The following CTNNA2 variants were observed in gnomAD, a reference collection of about 807,000 sequenced individuals.
The protein encoded by CTNNA2 is catenin alpha-2.
In CTNNA2, 42 loss-of-function variants were observed where a neutral mutation model predicts 101.0. The observed-to-expected ratio is 0.42, with a 90% CI of 0.32 to 0.54. The LOEUF (loss-of-function observed/expected upper bound fraction) is 0.54. Among genes scored for constraint, CTNNA2 ranks in the 20% least tolerant of loss-of-function variants. The pLI is 0.14. For missense variants in CTNNA2, 871 were observed against 1,223.1 expected (o/e 0.71, Z 4.29); for synonymous variants, 450 against 456.4 (o/e 0.99, Z 0.18).
intron 7 of CTNNA2, among the ~76,000 whole-genome samples, chr2:80,218,145 T>A (rs1167274340): frequency 6.6e-6 from 1 of 152,214 alleles, no homozygotes; most frequent in Non-Finnish European, 1.5e-5. Context: ...CTTCTCAATA[T>A]CTCTGTTTTC....
intron 9 of CTNNA2, among the ~76,000 whole-genome samples, chr2:80,451,488 C>A (rs886521787): frequency 6.6e-6 from 1 of 152,162 alleles, no homozygotes; most frequent in African/African-American, 2.4e-5. Context: ...TCAAGGAGTT[C>A]TTTATAGCAG....
chr2:79,486,778 G>C (rs1573188648), intron 4 of CTNNA2, among the ~76,000 whole-genome samples: 1 of 152,182 alleles, frequency 6.6e-6, no homozygotes, highest in African/African-American at 2.4e-5. Flanking sequence ...TAACTGGTGT[G>C]AGATGGTATC....
intron 7 of CTNNA2, among the ~76,000 whole-genome samples, chr2:80,237,227 A>G (rs920745269): frequency 6.6e-6 from 1 of 152,194 alleles, no homozygotes; most frequent in Admixed American, 6.5e-5. Context: ...AGCCCTGCTA[A>G]TATCCAATGT....
intron 7 of CTNNA2, among the ~76,000 whole-genome samples, chr2:80,348,991 A>G (rs547029900): frequency 2.0e-5 from 3 of 152,294 alleles, no homozygotes; most frequent in South Asian, 2.1e-4. Flanking sequence ...GTTATTTCAG[A>G]TTGTATATTG....
At chr2:79,202,927 A>G (rs1572976762) in intron 2 of CTNNA2, among the ~76,000 whole-genome samples, 2 of 152,226 alleles carry the variant, frequency 1.3e-5, no homozygotes, top group East Asian at 3.8e-4. Context: ...AGGGTCCTGA[A>G]GCATAGTAAA....
At chr2:80,083,643 A>G (rs1699276481) in intron 7 of CTNNA2, among the ~76,000 whole-genome samples, 1 of 152,092 alleles carries the variant, frequency 6.6e-6, no homozygotes, top group African/African-American at 2.4e-5. Flanking sequence ...CATTTTTGAG[A>G]ACTTTGTCAG....
chr2:79,423,815 C>T (rs920987885), intron 4 of CTNNA2, among the ~76,000 whole-genome samples: 5 of 152,236 alleles, frequency 3.3e-5, no homozygotes, highest in East Asian at 1.9e-4. Flanking sequence ...GTTTAGAATT[C>T]GTTGCCTCTT....
intron 7 of CTNNA2, among the ~76,000 whole-genome samples, chr2:79,955,859 C>T (rs972953519): frequency 1.3e-5 from 2 of 152,152 alleles, no homozygotes; most frequent in Admixed American, 6.5e-5. Context: ...CTCCCATGGA[C>T]ATCACCTGGC....
intron 1 of CTNNA2, among the ~76,000 whole-genome samples, chr2:79,543,118 T>C (rs1485933076): frequency 2.6e-5 from 4 of 152,146 alleles, no homozygotes; most frequent in Admixed American, 1.3e-4. Context: ...CCTGGCTGTT[T>C]TGTGATGTAA....
At chr2:79,583,927 G>C (rs1226048571) in intron 1 of CTNNA2, among the ~76,000 whole-genome samples, 1 of 151,970 alleles carries the variant, frequency 6.6e-6, no homozygotes, top group Non-Finnish European at 1.5e-5. Flanking sequence ...CCTGATCTTT[G>C]AGCATTCATT....
At chr2:80,539,094 C>CT (rs1313538552) in intron 9 of CTNNA2, among the ~76,000 whole-genome samples, 2 of 152,170 alleles carry the variant, frequency 1.3e-5, no homozygotes, top group Admixed American at 1.3e-4. Context: ...TCTCGGCTCA[C>CT]TGTAACCTCC....
At chr2:80,155,721 C>G (rs1450754484) in intron 7 of CTNNA2, among the ~76,000 whole-genome samples, 1 of 152,162 alleles carries the variant, frequency 6.6e-6, no homozygotes, top group Non-Finnish European at 1.5e-5. Context: ...TTTTCATCTA[C>G]TCTTCTGCTG....
chr2:79,488,070 C>CT (rs1476725543), intron 4 of CTNNA2, among the ~76,000 whole-genome samples: 1 of 151,972 alleles, frequency 6.6e-6, no homozygotes, highest in East Asian at 1.9e-4. Context: ...AATCCCAGCA[C>CT]TTTGGGAGGC....
At chr2:80,062,020 A>C (rs973919905) in intron 7 of CTNNA2, among the ~76,000 whole-genome samples, 2 of 152,222 alleles carry the variant, frequency 1.3e-5, no homozygotes, top group Admixed American at 6.5e-5. Flanking sequence ...AGAGGCTTTC[A>C]GCCTGTCTGC....
At chr2:80,000,238 C>T (rs528171986) in intron 7 of CTNNA2, among the ~76,000 whole-genome samples, 1 of 152,196 alleles carries the variant, frequency 6.6e-6, no homozygotes, top group Admixed American at 6.5e-5. Context: ...GATTTCTGTG[C>T]TATCATATTG....
At chr2:80,090,598 G>T (rs1573044047) in intron 7 of CTNNA2, among the ~76,000 whole-genome samples, 1 of 152,056 alleles carries the variant, frequency 6.6e-6, no homozygotes. Context: ...TTCAGTTCTT[G>T]AACCTCATCT....
chr2:79,861,986 C>T (rs72916700), intron 4 of CTNNA2, among the ~76,000 whole-genome samples: 2,786 of 152,192 alleles, frequency 0.018, 113 homozygotes, highest in African/African-American at 0.063. Context: ...ATGTGGCATC[C>T]GGAATTTTAA....
intron 9 of CTNNA2, among the ~76,000 whole-genome samples, chr2:80,469,566 T>A (rs1348515288): frequency 6.6e-6 from 1 of 152,238 alleles, no homozygotes; most frequent in Non-Finnish European, 1.5e-5. Flanking sequence ...AGTAGCTTTC[T>A]TGCTGAACAC....
chr2:80,325,092 C>G (rs1303462045), intron 7 of CTNNA2, among the ~76,000 whole-genome samples: 2 of 152,034 alleles, frequency 1.3e-5, no homozygotes, highest in African/African-American at 4.8e-5. Flanking sequence ...TAGAAGAATG[C>G]AAGGCATTAA....
Sources: gnomAD v4.1 joint callset for allele counts (sites outside exome capture counted in the v4.1 genomes callset) on GRCh38, gnomAD v4.1.1 for gene constraint, MANE v1.5 for transcripts, NCBI Gene and HGNC (gene_info 2026-07-23, HGNC 2026-07-21) for gene names.